Variants in FHIT observed in about 807,000 individuals in gnomAD.
The protein encoded by FHIT is fragile histidine triad diadenosine triphosphatase, also known as bis(5'-adenosyl)-triphosphatase.
In FHIT, 19 loss-of-function variants were observed where a neutral mutation model predicts 17.9. That is an observed-to-expected ratio of 1.06 (90% confidence interval 0.74 to 1.56). The LOEUF (loss-of-function observed/expected upper bound fraction) is 1.56, where lower values mean the gene tolerates loss of function less well. Among genes scored for constraint, FHIT ranks in the 40% most tolerant of loss-of-function variants. The pLI, the probability that FHIT is intolerant of heterozygous loss-of-function variation, is 0.00. For synonymous variants in FHIT, 81 were observed against 69.7 expected, an observed-to-expected ratio of 1.16 and a Z score of -0.81; for missense variants, 248 against 189.2, an observed-to-expected ratio of 1.31 and a Z score of -1.82.
intron 7 of FHIT, among the ~76,000 whole-genome samples, chr3:59,926,347 C>G (rs535284370): frequency 6.6e-6 from 1 of 152,238 alleles, no homozygotes; most frequent in South Asian, 2.1e-4. Context: ...AGGTGCTATT[C>G]TAGGAGCCAG....
At chr3:60,983,307 C>A (rs748083343) in intron 3 of FHIT, among the ~76,000 whole-genome samples, 2 of 152,032 alleles carry the variant, frequency 1.3e-5, no homozygotes, top group Non-Finnish European at 2.9e-5. Flanking sequence ...GAGGAAGGGA[C>A]GGAGAACAAG....
intron 3 of FHIT, among the ~76,000 whole-genome samples, chr3:61,029,215 T>A (rs917561292): frequency 1.3e-5 from 2 of 152,210 alleles, no homozygotes; most frequent in African/African-American, 2.4e-5. Context: ...ACCTTAATTG[T>A]TGTTAAATAC....
chr3:60,375,526 G>A (rs150106604), intron 5 of FHIT, among the ~76,000 whole-genome samples: 1,922 of 152,162 alleles, frequency 0.013, 29 homozygotes, highest in Non-Finnish European at 0.014. Flanking sequence ...AGTGAGCAGA[G>A]ATCACGCCAC....
intron 1 of FHIT, among the ~76,000 whole-genome samples, chr3:61,237,890 T>C (rs1424006212): frequency 6.6e-6 from 1 of 152,202 alleles, no homozygotes; most frequent in East Asian, 1.9e-4. Context: ...TTATAATTCC[T>C]CTCTCAAGGG....
At chr3:60,173,230 C>A (rs1287940055) in intron 5 of FHIT, among the ~76,000 whole-genome samples, 1 of 152,164 alleles carries the variant, frequency 6.6e-6, no homozygotes, top group Non-Finnish European at 1.5e-5. Flanking sequence ...CAGGGACCCA[C>A]CATTCCCAGA....
intron 4 of FHIT, chr3:60,732,596 G>T: frequency 1.8e-6 from 1 of 565,160 alleles, no homozygotes; most frequent in Admixed American, 2.0e-5. Flanking sequence ...CAAGGGCTCC[G>T]TGTCAATGGC....
chr3:60,521,068 T>A (rs1016708734), intron 5 of FHIT, among the ~76,000 whole-genome samples: 2 of 152,112 alleles, frequency 1.3e-5, no homozygotes, highest in Non-Finnish European at 2.9e-5. Context: ...TAATTTAAAC[T>A]TGAGTCTGGG....
chr3:60,927,849 C>T (rs539836411), intron 3 of FHIT, among the ~76,000 whole-genome samples: 7 of 152,240 alleles, frequency 4.6e-5, no homozygotes, highest in South Asian at 2.1e-4. Flanking sequence ...ACGATGATGG[C>T]GGTTTTGCTG....
intron 8 of FHIT, among the ~76,000 whole-genome samples, chr3:59,760,616 T>C (rs528349998): frequency 3.3e-5 from 5 of 151,920 alleles, no homozygotes; most frequent in South Asian, 4.2e-4. Context: ...CAGTTTTCCA[T>C]TGAAAGCCTG....
Position 59,972,642 on chromosome 3 carries a change from C to T in FHIT, c.279+38729G>A, listed in dbSNP as rs76700198. On this transcript the variant is annotated intron_variant, in intron 7 of 9. Transcript: ENST00000492590. ...ACTCCCTGACAAGTGGAATCCAAGT[C>T]CTATGAGTTCACAGCTTAAAGTCTT... 5.5e-3 allele frequency among the ~76,000 whole-genome samples: 836 copies of T among 152,194 alleles called. 9 individuals carry two copies. The highest frequency in any genetic ancestry group is 0.019 in the African/African-American group (785 of 41,542).
At chr3:60,649,891 C>T (rs527504429) in intron 4 of FHIT, among the ~76,000 whole-genome samples, 2 of 152,242 alleles carry the variant, frequency 1.3e-5, no homozygotes, top group African/African-American at 2.4e-5. Context: ...AGACGTCAAC[C>T]AGGGCCTAAC....
At chr3:61,022,621 CA>C (rs1276137396) in intron 3 of FHIT, among the ~76,000 whole-genome samples, 3 of 152,178 alleles carry the variant, frequency 2.0e-5, no homozygotes, top group Admixed American at 2.0e-4. Context: ...CTGAATACAG[CA>C]GCACATCAAA....
At chr3:60,642,281 C>A (rs782162134) in intron 4 of FHIT, among the ~76,000 whole-genome samples, 30 of 152,138 alleles carry the variant, frequency 2.0e-4, no homozygotes, top group Non-Finnish European at 3.8e-4. Flanking sequence ...CCAGCACATG[C>A]CCCCAAAGGG....
chr3:59,994,698 T>C (rs3772503), intron 7 of FHIT, among the ~76,000 whole-genome samples: 26,363 of 151,968 alleles, frequency 0.17, 2,422 homozygotes, highest in South Asian at 0.27. Context: ...CCCAAGTGTC[T>C]TTCCATAAAG....
chr3:60,544,149 T>A (rs1289254291), intron 4 of FHIT, among the ~76,000 whole-genome samples: 1 of 151,896 alleles, frequency 6.6e-6, no homozygotes, highest in Non-Finnish European at 1.5e-5. Context: ...TTCTTTGTCA[T>A]ACTGCATTGG....
At chr3:61,188,462 T>A (rs1197737628) in intron 2 of FHIT, among the ~76,000 whole-genome samples, 2 of 152,012 alleles carry the variant, frequency 1.3e-5, no homozygotes, top group Non-Finnish European at 2.9e-5. Context: ...CCAAAAAAAG[T>A]CCAGGACCAG....
At chr3:60,296,996 T>A (rs565556711) in intron 5 of FHIT, among the ~76,000 whole-genome samples, 4 of 152,034 alleles carry the variant, frequency 2.6e-5, no homozygotes, top group African/African-American at 9.6e-5. Flanking sequence ...GTTGCATTTA[T>A]CTATGTGTCT....
intron 5 of FHIT, among the ~76,000 whole-genome samples, chr3:60,211,253 T>C (rs1228229929): frequency 1.3e-5 from 2 of 151,978 alleles, no homozygotes; most frequent in Non-Finnish European, 2.9e-5. Flanking sequence ...TGTATTTATA[T>C]ACATACATGT....
intron 5 of FHIT, among the ~76,000 whole-genome samples, chr3:60,413,139 G>T (rs1352041819): frequency 2.6e-5 from 4 of 152,128 alleles, no homozygotes; most frequent in Non-Finnish European, 5.9e-5. Flanking sequence ...AGGTAAAAGA[G>T]TCCATACCAA....
Sources: gnomAD v4.1 joint callset for allele counts (sites outside exome capture counted in the v4.1 genomes callset) on GRCh38, gnomAD v4.1.1 for gene constraint, MANE v1.5 for transcripts, NCBI Gene and HGNC (gene_info 2026-07-23, HGNC 2026-07-21) for gene names.